The following GRIK4 variants were observed in gnomAD, a reference collection of about 807,000 sequenced individuals.
The protein encoded by GRIK4 is glutamate ionotropic receptor kainate type subunit 4.
In GRIK4, 40 loss-of-function variants were observed where a neutral mutation model predicts 104.9. The ratio of observed to expected loss-of-function variants is 0.38; its 90% confidence interval spans 0.30 to 0.50. The LOEUF is 0.50. GRIK4 is among the 20% of genes least tolerant of loss of function. The pLI is 0.93. For synonymous variants in GRIK4, 485 were observed against 524.9 expected, an observed-to-expected ratio of 0.92 and a Z score of 1.04; for missense variants, 1,047 against 1,308.1, an observed-to-expected ratio of 0.80 and a Z score of 3.08.
intron 1 of GRIK4, among the ~76,000 whole-genome samples, chr11:120,622,930 A>C (rs935010722): frequency 3.3e-5 from 5 of 152,108 alleles, no homozygotes; most frequent in Admixed American, 2.0e-4. Context: ...GGATCCTTTG[A>C]CTTAATCACA....
chr11:120,595,226 T>C (rs569338341), intron 1 of GRIK4, among the ~76,000 whole-genome samples: 1 of 152,358 alleles, frequency 6.6e-6, no homozygotes, highest in East Asian at 1.9e-4. Flanking sequence ...CCTCGGGAGA[T>C]GTGCACACGC....
chr11:120,814,565 C>T (rs1353266227), intron 4 of GRIK4, among the ~76,000 whole-genome samples: 1 of 152,172 alleles, frequency 6.6e-6, no homozygotes, highest in Non-Finnish European at 1.5e-5. Flanking sequence ...CACCACTGCA[C>T]TCCAACCTGG....
At chr11:120,630,005 T>C (rs1256505149) in intron 1 of GRIK4, among the ~76,000 whole-genome samples, 1 of 152,124 alleles carries the variant, frequency 6.6e-6, no homozygotes, top group African/African-American at 2.4e-5. Context: ...CACCTGGCAT[T>C]TGTGTGTGGG....
intron 3 of GRIK4, among the ~76,000 whole-genome samples, chr11:120,760,180 A>G (rs537962641): frequency 2.6e-5 from 4 of 151,792 alleles, no homozygotes; most frequent in Admixed American, 1.3e-4. Context: ...CCACTGTTTT[A>G]TTCTCTGTGT....
chr11:120,837,136 G>GGACTATTAGAGACTA (rs1953595022), intron 8 of GRIK4, among the ~76,000 whole-genome samples: 1 of 152,174 alleles, frequency 6.6e-6, no homozygotes, highest in Non-Finnish European at 1.5e-5. Context: ...TCCAGTTACT[G>GGACTATTAGAGACTA]GCCTGCAGTC....
At chr11:120,562,406 G>T (rs987214950) in intron 1 of GRIK4, among the ~76,000 whole-genome samples, 1 of 152,242 alleles carries the variant, frequency 6.6e-6, no homozygotes, top group Non-Finnish European at 1.5e-5. Flanking sequence ...GTATTTGGGA[G>T]GCTAACTTAG....
chr11:120,763,865 T>C (rs1951789777), intron 3 of GRIK4, among the ~76,000 whole-genome samples: 1 of 152,216 alleles, frequency 6.6e-6, no homozygotes, highest in African/African-American at 2.4e-5. Context: ...TACTTCCAAT[T>C]ATGTGGTCAA....
chr11:120,892,883 T>G (rs1168629435), intron 11 of GRIK4, among the ~76,000 whole-genome samples: 1 of 152,162 alleles, frequency 6.6e-6, no homozygotes, highest in East Asian at 1.9e-4. Flanking sequence ...CCCTGGCTGC[T>G]CTACCCAGGG....
At position 120,905,203 on chromosome 11, in the gene GRIK4, ACCCTCTGTGCCCCTGG is replaced by A; in HGVS notation, c.1273-81_1273-66del. Reference sequence around the variant, plus strand: ...CTCCTTCTGCCCCATGTCCTCCCCGACCCTCTGTGCCCCTGGCCCTCCCCATCACACGCGGGTGAGA... The same window carrying A: ...CTCCTTCTGCCCCATGTCCTCCCCGACCCTCCCCATCACACGCGGGTGAGA... On this transcript the variant is annotated intron_variant, in intron 12 of 20. Transcript: ENST00000527524. The surrounding 1 kb of genome is among the most constrained non-coding windows in gnomAD (Gnocchi z 5.1). 2.1e-6 allele frequency: 2 copies of A among 951,724 alleles called. No individual in the cohort carries two copies. Among genetic ancestry groups the A allele is most frequent in the Non-Finnish European group, 3.4e-6 (2 of 585,122 alleles). The allele number at this position is 951,724 out of a possible 1,614,324, so 59.0% of individuals were successfully genotyped here.
intron 1 of GRIK4, among the ~76,000 whole-genome samples, chr11:120,651,077 G>A (rs141173985): frequency 2.9e-4 from 44 of 152,250 alleles, no homozygotes; most frequent in African/African-American, 6.3e-4. Flanking sequence ...GGTTGATCTG[G>A]ACCTGCACTC....
rs896976478 is a variant in GRIK4, at chr11:120,958,531, C to T, written c.1874+1578C>T. 4.6e-5 allele frequency among the ~76,000 whole-genome samples: 7 copies of T among 152,358 alleles called. No homozygotes were observed. In the East Asian group the frequency reaches 1.4e-3, roughly 29 times the overall value. ...AGGTCAGAAGACAGGGCCATCGTGGCCTACCTCGACCTCCTCACCCAGAGC... is the reference window on the plus strand; with the variant it reads ...AGGTCAGAAGACAGGGCCATCGTGGTCTACCTCGACCTCCTCACCCAGAGC... On this transcript the variant is annotated intron_variant, in intron 16 of 20. Coordinates refer to ENST00000527524, the MANE Select transcript of GRIK4 (RefSeq NM_014619.5).
intron 3 of GRIK4, among the ~76,000 whole-genome samples, chr11:120,791,821 C>T (rs565204527): frequency 2.0e-5 from 3 of 152,224 alleles, no homozygotes; most frequent in African/African-American, 7.2e-5. Context: ...TGTTCCAGCA[C>T]AGTTTGTGTA....
At chr11:120,721,584 A>G (rs898802985) in intron 3 of GRIK4, among the ~76,000 whole-genome samples, 1 of 152,134 alleles carries the variant, frequency 6.6e-6, no homozygotes, top group Non-Finnish European at 1.5e-5. Context: ...CAAGGCAAGC[A>G]GATTTAGGGT....
intron 7 of GRIK4, among the ~76,000 whole-genome samples, chr11:120,836,181 A>G (rs1438895620): frequency 6.6e-6 from 1 of 152,190 alleles, no homozygotes; most frequent in African/African-American, 2.4e-5. Flanking sequence ...AAGGGGGAGT[A>G]TAGAGTTTGG....
At chr11:120,521,236 C>A (rs573293281) in intron 1 of GRIK4, among the ~76,000 whole-genome samples, 2 of 151,966 alleles carry the variant, frequency 1.3e-5, no homozygotes, top group Non-Finnish European at 2.9e-5. Context: ...CCATGCCTGG[C>A]GAATATTTTG....
At chr11:120,736,618 A>G (rs1951226175) in intron 3 of GRIK4, among the ~76,000 whole-genome samples, 2 of 152,242 alleles carry the variant, frequency 1.3e-5, no homozygotes, top group African/African-American at 2.4e-5. Flanking sequence ...TAGAATAATT[A>G]TGGTTCATTC....
At chr11:120,566,436 AG>A (rs1156484857) in intron 1 of GRIK4, among the ~76,000 whole-genome samples, 2 of 152,226 alleles carry the variant, frequency 1.3e-5, no homozygotes, top group African/African-American at 4.8e-5. Flanking sequence ...AGACTATTTA[AG>A]GTGATTGCCA....
At position 120,753,297 on chromosome 11, in the gene GRIK4, C is replaced by CTGTGTGTGTG. The variant is rs57423619; in HGVS notation, c.83-49359_83-49350dup. ...AGTTGAGCAATCAGACAACACAACT[C>CTGTGTGTGTG]TGTGTGTGTGTGTGTGTGTGTGTGT... On this transcript the variant is annotated intron_variant, in intron 3 of 20. Coordinates refer to ENST00000527524, the MANE Select transcript of GRIK4 (RefSeq NM_014619.5). 2.9e-3 allele frequency among the ~76,000 whole-genome samples: 381 copies of CTGTGTGTGTG among 130,268 alleles called. 2 individuals are homozygous for CTGTGTGTGTG. Among genetic ancestry groups the CTGTGTGTGTG allele is most frequent in the East Asian group, 0.018 (82 of 4,466 alleles). The allele number at this position is 130,268 out of a possible 152,430, so 85.5% of individuals were successfully genotyped here. A position where few individuals can be genotyped will look rare whatever the true frequency, so the allele number is the denominator to read the frequency against.
intron 1 of GRIK4, among the ~76,000 whole-genome samples, chr11:120,556,018 A>AG (rs1379030526): frequency 1.3e-5 from 2 of 152,186 alleles, no homozygotes; most frequent in Non-Finnish European, 2.9e-5. Flanking sequence ...ATGCATTTTC[A>AG]GGAGGTGGCA....
Sources: gnomAD v4.1 joint callset for allele counts (sites outside exome capture counted in the v4.1 genomes callset) on GRCh38, gnomAD v4.1.1 for gene constraint, Gnocchi (gnomAD v3.1) non-coding constraint, MANE v1.5 for transcripts, NCBI Gene and HGNC (gene_info 2026-07-23, HGNC 2026-07-21) for gene names.